PCDHA4: variants seen among roughly 807,000 people sequenced by gnomAD.
PCDHA4 encodes the protein protocadherin alpha 4.
PCDHA4 carries 49 observed loss-of-function variants against 61.4 expected under a neutral mutation model. The ratio of observed to expected loss-of-function variants is 0.80; its 90% CI spans 0.63 to 1.01. PCDHA4 has a LOEUF of 1.01. PCDHA4 is among the 50% of genes least tolerant of loss of function. PCDHA4 has a pLI of 0.00. For synonymous variants in PCDHA4, 590 were observed against 550.3 expected (o/e 1.07, Z -1.01); for missense variants, 1,254 against 1,235.8 (o/e 1.01, Z -0.22).
chr5:140,834,540 G>C, intron 1 of PCDHA4: 1 of 1,614,082 alleles, frequency 6.2e-7, no homozygotes, highest in Non-Finnish European at 8.5e-7. Context: ...GCAGGACCTG[G>C]GGCTGGAGCT....
At position 140,807,352 on chromosome 5, in the gene PCDHA4, G is replaced by T. The variant is rs11167605; in HGVS notation, c.165G>T (p.Glu55Asp). 581,450 of 1,607,716 alleles carry T rather than the reference G, an allele frequency of 0.36. 110,207 individuals carry two copies. Among genetic ancestry groups the T allele is most frequent in the East Asian group, 0.49 (21,658 of 44,528 alleles). The change falls in exon 1 of 4, where the codon GAG (glutamate) becomes GAT (aspartate). Residue 55 changes from glutamate to aspartate, a missense_variant. Physicochemically the swap from Glu to Asp is conservative, Grantham distance 45. Transcript: ENST00000530339. ...GCATCGCGCAGGACCTGGGACTGGA[G>T]CTGGCGGAGCTGGTGCCGCGCCTGT... Reference protein sequence around the residue: ...VGRIAQDLGLELAELVPRLFR... With the variant: ...VGRIAQDLGLDLAELVPRLFR...
At chr5:140,843,005 G>T in intron 1 of PCDHA4, 1 of 1,595,030 alleles carries the variant, frequency 6.3e-7, no homozygotes, top group East Asian at 2.2e-5. Flanking sequence ...GAATGACAAC[G>T]CGCCGGCACT....
chr5:140,942,132 TG>T (rs1554214846), intron 1 of PCDHA4, among the ~76,000 whole-genome samples: 1 of 152,250 alleles, frequency 6.6e-6, no homozygotes, highest in African/African-American at 2.4e-5. Flanking sequence ...GTGATATTTG[TG>T]GCTTTACTTG....
At chr5:141,005,529 C>A (rs1387576846) in intron 3 of PCDHA4, among the ~76,000 whole-genome samples, 2 of 151,154 alleles carry the variant, frequency 1.3e-5, no homozygotes, top group Non-Finnish European at 2.9e-5. Context: ...CGGTGAAACC[C>A]CGTCTCTACT....
chr5:140,902,866 C>T (rs1449193268), intron 1 of PCDHA4, among the ~76,000 whole-genome samples: 1 of 152,186 alleles, frequency 6.6e-6, no homozygotes, highest in Non-Finnish European at 1.5e-5. Context: ...TCCAGGTCCA[C>T]CCAAGCTGCT....
intron 3 of PCDHA4, among the ~76,000 whole-genome samples, chr5:140,988,231 A>G (rs2097289009): frequency 6.6e-6 from 1 of 152,150 alleles, no homozygotes. Context: ...TCAGGGATCT[A>G]TGTGAGTGGG....
In PCDHA4 at chr5:141,010,299, T is replaced by G; in HGVS notation, c.*362T>G. ...TCTTGATGACACTTGCAGGGCAGGCTGAAAAGTTTTGAGATTGAGCAGCTT... is the reference window on the plus strand; with the variant it reads ...TCTTGATGACACTTGCAGGGCAGGCGGAAAAGTTTTGAGATTGAGCAGCTT... On this transcript the variant is annotated 3_prime_UTR_variant, in exon 4 of 4. Transcript: ENST00000530339. 6.5e-7 allele frequency: 1 copy of G among 1,549,016 alleles called. No homozygotes were observed. The highest frequency in any genetic ancestry group is 2.4e-5 in the East Asian group (1 of 40,892).
chr5:140,938,761 G>A (rs1414324125), intron 1 of PCDHA4, among the ~76,000 whole-genome samples: 5 of 151,992 alleles, frequency 3.3e-5, no homozygotes, highest in Non-Finnish European at 7.4e-5. Flanking sequence ...CATAGTTATT[G>A]GGTACTAGAC....
intron 1 of PCDHA4, chr5:140,869,875 G>C: frequency 1.2e-6 from 2 of 1,610,396 alleles, no homozygotes. Flanking sequence ...TGCTGCTAAA[G>C]AAACTCTTGT....
chr5:140,851,068 AATT>A, intron 1 of PCDHA4: 1 of 1,354,280 alleles, frequency 7.4e-7, no homozygotes, highest in Non-Finnish European at 9.7e-7. Context: ...TTCTAGTGAG[AATT>A]ATAAACTGTA....
chr5:140,958,637 A>G (rs2095435071), intron 1 of PCDHA4, among the ~76,000 whole-genome samples: 1 of 152,192 alleles, frequency 6.6e-6, no homozygotes. Flanking sequence ...TACTGCAGAA[A>G]ACCAATCACA....
intron 1 of PCDHA4, among the ~76,000 whole-genome samples, chr5:140,900,275 C>T (rs1260418745): frequency 9.2e-5 from 14 of 151,438 alleles, no homozygotes; most frequent in African/African-American, 2.9e-4. Context: ...GTATATGTAC[C>T]ACACTTTCTT....
rs1311209449 is a variant in PCDHA4, at chr5:141,010,944, A to G, written c.*1007A>G. On this transcript the variant is annotated 3_prime_UTR_variant, in exon 4 of 4. Transcript: ENST00000530339. ...GAGAATTCAGTCTACAGCCATTTAA[A>G]TGATCATTGCTGCTACAGAAGTGCT... 6.5e-6 allele frequency: 1 copy of G among 153,776 alleles called. No individual in the cohort carries two copies. The highest frequency in any genetic ancestry group is 2.4e-5 in the African/African-American group (1 of 41,450). 9.5% of individuals were successfully genotyped at this position (153,776 alleles called of 1,614,324 possible).
At chr5:140,968,519 A>C (rs1030847582) in intron 1 of PCDHA4, 1 of 1,614,008 alleles carries the variant, frequency 6.2e-7, no homozygotes, top group African/African-American at 1.3e-5. Flanking sequence ...CCCTACCTCA[A>C]CCAACTCGTC....
intron 1 of PCDHA4, among the ~76,000 whole-genome samples, chr5:140,947,661 T>C (rs2094159982): frequency 6.6e-6 from 1 of 151,672 alleles, no homozygotes; most frequent in South Asian, 2.1e-4. Context: ...CTCCATTTAC[T>C]TGGGTCTTTA....
intron 1 of PCDHA4, chr5:140,877,139 T>C (rs781891057): frequency 8.7e-6 from 14 of 1,613,764 alleles, no homozygotes; most frequent in Admixed American, 1.7e-5. Context: ...GTGTTCGTGC[T>C]GGACGAGAAC....
At chr5:140,811,558 C>A (rs1764905109) in intron 1 of PCDHA4, 1 of 152,206 alleles carries the variant, frequency 6.6e-6, no homozygotes, top group South Asian at 2.1e-4. Context: ...AGTTCCAGAT[C>A]CTTGAGGAAT....
intron 3 of PCDHA4, among the ~76,000 whole-genome samples, chr5:141,006,560 C>G (rs1179730864): frequency 2.0e-5 from 3 of 152,084 alleles, no homozygotes; most frequent in Non-Finnish European, 4.4e-5. Flanking sequence ...AAAGATGACT[C>G]TGGCTACTGT....
chr5:140,852,637 A>G (rs2150521055), intron 1 of PCDHA4: 1 of 959,312 alleles, frequency 1.0e-6, no homozygotes, highest in Non-Finnish European at 1.3e-6. Flanking sequence ...AGCTCCTGTC[A>G]TTAAACCTAT....
Sources: allele counts gnomAD v4.1 joint callset (sites outside exome capture counted in the v4.1 genomes callset), GRCh38; gene constraint gnomAD v4.1.1; transcripts MANE v1.5; gene names NCBI Gene and HGNC (gene_info 2026-07-23, HGNC 2026-07-21).